Variants in IGSF21 observed in about 807,000 individuals in gnomAD.
IGSF21 encodes immunoglobin superfamily member 21.
In IGSF21, 28 loss-of-function variants were observed where a neutral mutation model predicts 46.8. That is an observed-to-expected ratio of 0.60 (90% CI 0.44 to 0.82). The LOEUF is 0.82. IGSF21 is among the 40% of genes least tolerant of loss of function. IGSF21 has a pLI of 0.00. For synonymous variants in IGSF21, 284 were observed against 273.6 expected (o/e 1.04, Z -0.38); for missense variants, 624 against 665.5 (o/e 0.94, Z 0.69).
Position 18,365,522 on chromosome 1 carries a change from C to T in IGSF21, c.840C>T (p.Ser280=), listed in dbSNP as rs762318783. The change falls in exon 6 of 10, where the codon AGC becomes AGT. Residue 280 remains serine (S), a synonymous_variant. Coordinates refer to ENST00000251296, the MANE Select transcript of IGSF21 (RefSeq NM_032880.5). The surrounding 1 kb of genome is among the most constrained non-coding windows in gnomAD (Gnocchi z 4.8). ...GTGAGTTTCCCCGCTGGGTCCACAG[C>T]GCCGAGCCCACCTACTTCCTGCGCC... ...VSREFPRWVH[S]AEPTYFLRHS... is the part of the protein sequence containing the mutation. The T allele has an allele frequency of 1.2e-5, 20 of 1,614,116 alleles. No homozygotes were observed. The highest frequency in any genetic ancestry group is 6.7e-5 in the East Asian group (3 of 44,860).
chr1:18,334,967 G>T lies in IGSF21; in HGVS notation c.381G>T (p.Glu127Asp), dbSNP rs778213272. The part of the protein sequence containing the change: ...HVGIYDRATR[E>D]KVVLASGNIF... ...GCATCTACGACCGCGCCACCAGGGA[G>T]AAGGTGGTCCTGGCATCAGGCAACA... The change falls in exon 4 of 10, where the codon GAG becomes GAT. Residue 127 changes from glutamate (E) to aspartate (D), a missense_variant. Glu to Asp is a conservative substitution (Grantham distance 45). Transcript: ENST00000251296. This position sits in a 1 kb window ranked among gnomAD's most constrained non-coding sequence, Gnocchi z 4.3. 2 of 1,614,102 alleles carry T rather than the reference G, an allele frequency of 1.2e-6. No homozygotes were observed. Among genetic ancestry groups the T allele is most frequent in the African/African-American group, 1.3e-5 (1 of 74,960 alleles).
intron 1 of IGSF21, among the ~76,000 whole-genome samples, chr1:18,213,939 G>A (rs1477240511): frequency 2.6e-5 from 4 of 152,018 alleles, no homozygotes; most frequent in Non-Finnish European, 5.9e-5. Context: ...GCCCTTCTCT[G>A]GCCTCATTGT....
chr1:18,261,156 C>G (rs986519191), intron 2 of IGSF21, among the ~76,000 whole-genome samples: 2 of 152,356 alleles, frequency 1.3e-5, no homozygotes, highest in African/African-American at 4.8e-5. Context: ...CCAAGCATCT[C>G]TGGCTGCACC....
At chr1:18,348,887 A>C (rs1427959779) in intron 4 of IGSF21, among the ~76,000 whole-genome samples, 1 of 152,178 alleles carries the variant, frequency 6.6e-6, no homozygotes, top group Admixed American at 6.5e-5. Flanking sequence ...CCCCATCTGC[A>C]TATGAGAAGC....
At chr1:18,336,390 C>G (rs1408681742) in intron 4 of IGSF21, among the ~76,000 whole-genome samples, 1 of 152,182 alleles carries the variant, frequency 6.6e-6, no homozygotes, top group Admixed American at 6.5e-5. Context: ...GTCCTCACAA[C>G]CAATCCAAGG....
At chr1:18,176,671 A>G (rs1310439932) in intron 1 of IGSF21, among the ~76,000 whole-genome samples, 2 of 152,162 alleles carry the variant, frequency 1.3e-5, no homozygotes, top group African/African-American at 4.8e-5. Flanking sequence ...TCTTCCCACC[A>G]TGGAAGACTT....
intron 1 of IGSF21, among the ~76,000 whole-genome samples, chr1:18,116,997 G>C (rs2086194710): frequency 6.6e-6 from 1 of 152,230 alleles, no homozygotes. Flanking sequence ...GGAGTTGGCA[G>C]AGACCTGCCT....
At chr1:18,342,874 T>C (rs1313489935) in intron 4 of IGSF21, among the ~76,000 whole-genome samples, 3 of 152,264 alleles carry the variant, frequency 2.0e-5, no homozygotes, top group Non-Finnish European at 4.4e-5. Context: ...TTTTGGCTAT[T>C]ATGAACAATG....
At chr1:18,223,936 G>A (rs2084536592) in intron 1 of IGSF21, among the ~76,000 whole-genome samples, 1 of 152,200 alleles carries the variant, frequency 6.6e-6, no homozygotes, top group Non-Finnish European at 1.5e-5. Flanking sequence ...CCTCCTGGCT[G>A]CTACCATGAC....
intron 3 of IGSF21, among the ~76,000 whole-genome samples, chr1:18,297,816 A>AT (rs971680470): frequency 3.3e-5 from 3 of 92,238 alleles, no homozygotes; most frequent in Admixed American, 2.9e-4. Context: ...TTGCATTATT[A>AT]TTTTTTTTCT....
intron 2 of IGSF21, among the ~76,000 whole-genome samples, chr1:18,268,506 A>G (rs1053914886): frequency 6.6e-6 from 1 of 152,138 alleles, no homozygotes; most frequent in African/African-American, 2.4e-5. Flanking sequence ...TGAAGCCGAG[A>G]TGGGTCCCAA....
rs925702289 is a variant in IGSF21, at chr1:18,183,601, C to A, written c.71-44297C>A. The stretch of plus-strand genomic sequence containing the variant: ...CAGCCATCGCTGTGTAACAGCCAGC[C>A]CAAAACTCAGTGGCTTAAATATAAC... On this transcript the variant is annotated intron_variant, in intron 1 of 9. Transcript: ENST00000251296. Among the ~76,000 whole-genome samples, 15 of 152,156 alleles carry A rather than the reference C, an allele frequency of 9.9e-5. 1 individual carries two copies. The highest frequency in any genetic ancestry group is 9.2e-4 in the Admixed American group (14 of 15,278).
chr1:18,235,646 G>T (rs376331641), intron 2 of IGSF21, among the ~76,000 whole-genome samples: 5 of 152,224 alleles, frequency 3.3e-5, no homozygotes, highest in Admixed American at 3.3e-4. Flanking sequence ...CGAATAGGGG[G>T]TGATGTTGGA....
chr1:18,303,925 A>T (rs760621727), intron 3 of IGSF21, among the ~76,000 whole-genome samples: 1 of 152,180 alleles, frequency 6.6e-6, no homozygotes, highest in Non-Finnish European at 1.5e-5. Flanking sequence ...CATTAGAGAG[A>T]ACTTGAATTG....
chr1:18,173,628 G>A (rs1402069650), intron 1 of IGSF21, among the ~76,000 whole-genome samples: 7 of 152,232 alleles, frequency 4.6e-5, no homozygotes, highest in African/African-American at 1.7e-4. Flanking sequence ...TGGAGATTTA[G>A]CCATGTGGTT....
At chr1:18,246,054 C>T (rs1270101647) in intron 2 of IGSF21, among the ~76,000 whole-genome samples, 3 of 152,178 alleles carry the variant, frequency 2.0e-5, no homozygotes, top group Non-Finnish European at 4.4e-5. Flanking sequence ...AGCTCTCTGA[C>T]CTTCTTTTTG....
chr1:18,375,809 G>T, intron 6 of IGSF21: 1 of 166,226 alleles, frequency 6.0e-6, no homozygotes, highest in Non-Finnish European at 1.3e-5. Context: ...TAACTCAACT[G>T]GACAATGGGG....
At chr1:18,268,287 T>C (rs991275005) in intron 2 of IGSF21, among the ~76,000 whole-genome samples, 3 of 152,242 alleles carry the variant, frequency 2.0e-5, no homozygotes, top group Admixed American at 2.0e-4. Context: ...GAGCCAGCTC[T>C]GGGACACAGG....
chr1:18,275,896 C>T (rs2085095804), intron 2 of IGSF21, among the ~76,000 whole-genome samples: 1 of 152,144 alleles, frequency 6.6e-6, no homozygotes. Context: ...ACTCCTTTGC[C>T]CCCTTCCCTT....
Sources: gnomAD v4.1 joint callset for allele counts (sites outside exome capture counted in the v4.1 genomes callset) on GRCh38, gnomAD v4.1.1 for gene constraint, Gnocchi (gnomAD v3.1) non-coding constraint, MANE v1.5 for transcripts, NCBI Gene and HGNC (gene_info 2026-07-23, HGNC 2026-07-21) for gene names.